MYO9A: variants seen among roughly 807,000 people sequenced by gnomAD.
MYO9A encodes unconventional myosin-IXa.
In MYO9A, 103 loss-of-function variants were observed where a neutral mutation model predicts 293.3. The observed-to-expected ratio is 0.35, with a 90% CI of 0.30 to 0.41. The LOEUF (loss-of-function observed/expected upper bound fraction) is 0.41, where lower values mean the gene tolerates loss of function less well. MYO9A is among the 10% of genes least tolerant of loss of function. The pLI, the probability that MYO9A is intolerant of heterozygous loss-of-function variation, is 1.00. For missense variants in MYO9A, 2,685 were observed against 3,033.0 expected, an observed-to-expected ratio of 0.89 and a Z score of 2.69; for synonymous variants, 1,001 against 1,035.7, an observed-to-expected ratio of 0.97 and a Z score of 0.64.
chr15:71,915,641 A>G (rs1292750999), intron 19 of MYO9A, among the ~76,000 whole-genome samples: 17 of 152,170 alleles, frequency 1.1e-4, no homozygotes, highest in Non-Finnish European at 1.5e-5. Context: ...GAAGCATTTT[A>G]AAAAGTGTTA....
chr15:71,833,795 A>G (rs1349048937), intron 39 of MYO9A, among the ~76,000 whole-genome samples: 1 of 152,176 alleles, frequency 6.6e-6, no homozygotes, highest in African/African-American at 2.4e-5. Flanking sequence ...AAAACAAACC[A>G]TGGTCAAAGA....
chr15:71,994,347 C>A, intron 10 of MYO9A, 122 bp downstream of exon 10: 2 of 554,788 alleles, frequency 3.6e-6, no homozygotes, highest in African/African-American at 1.9e-5. Flanking sequence ...TAATAAATAA[C>A]AAATAAAAGC....
intron 26 of MYO9A, chr15:71,893,134 G>A (rs1028106798): frequency 5.7e-5 from 74 of 1,287,156 alleles, no homozygotes; most frequent in Non-Finnish European, 7.0e-5. Flanking sequence ...ATCGGAGCGC[G>A]TCCGCGCCAT....
At chr15:72,019,005 C>A (rs1304106052) in intron 6 of MYO9A, 34 bp downstream of exon 6, 1 of 1,586,978 alleles carries the variant, frequency 6.3e-7, no homozygotes, top group African/African-American at 1.3e-5. Context: ...GACCCTTTGA[C>A]AGAAACACAG....
At chr15:71,883,821 C>T in intron 27 of MYO9A, 85 bp from the exon 28 acceptor site, 1 of 1,224,314 alleles carries the variant, frequency 8.2e-7, no homozygotes, top group Non-Finnish European at 1.1e-6. Flanking sequence ...CTTTACAAAT[C>T]TTCTATGTAT....
At chr15:72,086,649 C>T (rs1440964188) in intron 1 of MYO9A, among the ~76,000 whole-genome samples, 1 of 151,406 alleles carries the variant, frequency 6.6e-6, no homozygotes, top group Non-Finnish European at 1.5e-5. Flanking sequence ...GTTGGGGGGG[C>T]CGGGGCAGTG....
At chr15:71,921,551 T>C (rs1478713178) in intron 18 of MYO9A, among the ~76,000 whole-genome samples, 1 of 152,198 alleles carries the variant, frequency 6.6e-6, no homozygotes, top group Non-Finnish European at 1.5e-5. Flanking sequence ...ACGAAATTAG[T>C]GAGTTGAGGA....
intron 1 of MYO9A, among the ~76,000 whole-genome samples, chr15:72,077,938 ATT>A (rs1382515399): frequency 6.6e-6 from 1 of 151,932 alleles, no homozygotes; most frequent in Non-Finnish European, 1.5e-5. Flanking sequence ...TCAAAATCAT[ATT>A]TGTTAGGGAA....
chr15:71,899,094 T>C, intron 24 of MYO9A, 62 bp from the exon 25 acceptor site: 1 of 1,396,850 alleles, frequency 7.2e-7, no homozygotes, highest in South Asian at 1.5e-5. Context: ...AAATAACATA[T>C]TTCCTGAGAA....
At chr15:71,866,188 T>A (rs976530654) in intron 32 of MYO9A, among the ~76,000 whole-genome samples, 3 of 152,168 alleles carry the variant, frequency 2.0e-5, no homozygotes, top group Non-Finnish European at 4.4e-5. Context: ...AGTTGTAATA[T>A]CATAAAACCC....
At chr15:72,000,931 C>T (rs1202504313) in intron 8 of MYO9A, among the ~76,000 whole-genome samples, 1 of 152,178 alleles carries the variant, frequency 6.6e-6, no homozygotes, top group Non-Finnish European at 1.5e-5. Flanking sequence ...AGAAAATAAA[C>T]CACAATGAAT....
At chr15:72,104,007 A>G (rs185904517) in intron 1 of MYO9A, among the ~76,000 whole-genome samples, 54 of 152,332 alleles carry the variant, frequency 3.5e-4, no homozygotes, top group African/African-American at 1.2e-3. Flanking sequence ...GATGGTCCAC[A>G]ACTTATGACG....
chr15:71,845,884 C>CTTTA, intron 39 of MYO9A, among the ~76,000 whole-genome samples: 1 of 152,206 alleles, frequency 6.6e-6, no homozygotes, highest in East Asian at 1.9e-4. Flanking sequence ...AAATTAGCTG[C>CTTTA]TTTATTAATG....
chr15:71,981,491 TC>T (rs1159507033), intron 11 of MYO9A, among the ~76,000 whole-genome samples: 6 of 152,256 alleles, frequency 3.9e-5, no homozygotes, highest in Non-Finnish European at 1.5e-5. Flanking sequence ...TTCTTCTATG[TC>T]AGTTTTGAAA....
At chr15:71,928,039 TA>T (rs2058362668) in intron 18 of MYO9A, among the ~76,000 whole-genome samples, 7 of 9,664 alleles carry the variant, frequency 7.2e-4, no homozygotes, top group Non-Finnish European at 3.5e-3. Flanking sequence ...TATATATATA[TA>T]TATATATATA....
Position 71,862,489 on chromosome 15 carries a change from C to G in MYO9A, c.6091+11G>C, listed in dbSNP as rs1484804883. The G allele has an allele frequency of 6.4e-7, 1 of 1,556,778 alleles. No individual in the cohort carries two copies. Among genetic ancestry groups the G allele is most frequent in the African/African-American group, 1.4e-5 (1 of 73,608 alleles). On this transcript the variant is annotated intron_variant, in intron 33 of 41. Transcript: ENST00000356056. ...GGTTAAAAATATTCCTCAAAGATCT[C>G]TCATACTTACATTTGCAAACAGAGG...
chr15:71,964,310 A>T (rs955105463), intron 13 of MYO9A, among the ~76,000 whole-genome samples: 1 of 152,038 alleles, frequency 6.6e-6, no homozygotes, highest in African/African-American at 2.4e-5. Flanking sequence ...AATTCCTTTG[A>T]GTGTGATTTC....
At chr15:71,951,698 C>T in intron 15 of MYO9A, 79 bp downstream of exon 15, 1 of 1,572,154 alleles carries the variant, frequency 6.4e-7, no homozygotes, top group South Asian at 1.1e-5. Context: ...AATCTATATC[C>T]CACCCTGGTG....
chr15:72,029,824 A>T (rs973743167), intron 3 of MYO9A, among the ~76,000 whole-genome samples: 3 of 152,200 alleles, frequency 2.0e-5, no homozygotes, highest in African/African-American at 7.2e-5. Context: ...CTAGAATCTG[A>T]AATGTAAAAG....
Sources: gnomAD v4.1 joint callset for allele counts (sites outside exome capture counted in the v4.1 genomes callset) on GRCh38, gnomAD v4.1.1 for gene constraint, MANE v1.5 for transcripts, NCBI Gene and HGNC (gene_info 2026-07-23, HGNC 2026-07-21) for gene names.